Variants in GREB1L observed in about 807,000 individuals in gnomAD.
The protein encoded by GREB1L is GREB1 like retinoic acid receptor coactivator, also known as GREB1-like protein.
In GREB1L, 17 loss-of-function variants were observed where a neutral mutation model predicts 200.8. That is an observed-to-expected ratio of 0.08 (90% CI 0.06 to 0.13). The LOEUF is 0.13. GREB1L is among the 10% of genes least tolerant of loss of function. GREB1L has a pLI of 1.00. For missense variants in GREB1L, 1,657 were observed against 2,367.7 expected (o/e 0.70, Z 6.23); for synonymous variants, 789 against 893.0 (o/e 0.88, Z 2.08).
chr18:21,504,866 C>A (rs1568068344), intron 23 of GREB1L, among the ~76,000 whole-genome samples: 1 of 152,172 alleles, frequency 6.6e-6, no homozygotes, highest in South Asian at 2.1e-4. Context: ...CCCAGGTCTA[C>A]TGGCTCTCAA....
At chr18:21,464,055 A>G (rs1047735127) in intron 15 of GREB1L, among the ~76,000 whole-genome samples, 1 of 152,202 alleles carries the variant, frequency 6.6e-6, no homozygotes, top group Non-Finnish European at 1.5e-5. Flanking sequence ...CCATGAGTCC[A>G]GAACAATACT....
chr18:21,431,361 T>A (rs571547961), intron 7 of GREB1L, among the ~76,000 whole-genome samples: 1 of 152,224 alleles, frequency 6.6e-6, no homozygotes, highest in Non-Finnish European at 1.5e-5. Context: ...TACAATTTCC[T>A]TTGTGATGTC....
rs146659798 is a variant in GREB1L, at chr18:21,244,634, C to T, written c.-120+2241C>T. On this transcript the variant is annotated intron_variant, in intron 1 of 32. Transcript: ENST00000424526. Reference sequence around the variant, plus strand: ...GGACTGTGGATGTTAGACAGTGGGGCGACAAAAAACATTCCTGAATGGTGG... The same window carrying T: ...GGACTGTGGATGTTAGACAGTGGGGTGACAAAAAACATTCCTGAATGGTGG... Among the ~76,000 whole-genome samples, 1,129 of 152,076 alleles carry T rather than the reference C, an allele frequency of 7.4e-3. 13 individuals are homozygous for T. The highest frequency in any genetic ancestry group is 0.025 in the African/African-American group (1,020 of 41,486).
chr18:21,518,130 G>C lies in GREB1L; in HGVS notation c.5368G>C (p.Glu1790Gln), dbSNP rs2037487134. Residue 1790 changes from glutamate to glutamine, a missense_variant, in exon 31 of 33, where the codon GAG becomes CAG. Coordinates refer to ENST00000424526, the MANE Select transcript of GREB1L (RefSeq NM_001142966.3). ...GGCAGCCCCTGCACAGTTTCTCCTG[G>C]AGAAATTCCTTCAGCACGCCTCATA... ...LLAAPAQFLL[E>Q]KFLQHASYKL... 1 of 1,551,440 alleles carries C rather than the reference G, an allele frequency of 6.4e-7. No homozygotes were observed. Among genetic ancestry groups the C allele is most frequent in the Non-Finnish European group, 8.7e-7 (1 of 1,146,984 alleles).
chr18:21,435,685 C>T (rs76229894), intron 7 of GREB1L, among the ~76,000 whole-genome samples: 2,950 of 152,140 alleles, frequency 0.019, 47 homozygotes, highest in Non-Finnish European at 0.031. Context: ...GAACTTCCAG[C>T]GATTTGGACT....
chr18:21,499,826 G>T lies in GREB1L; in HGVS notation c.3489G>T (p.Leu1163Phe). 1 of 1,551,804 alleles carries T rather than the reference G, an allele frequency of 6.4e-7. No homozygotes were observed. ...GCTTTCAGAGCCCAGCCACCAGCTT[G>T]GGGCTGGATGAAGGGGTCTCCGCCA... ...TPSFQSPATS[L>F]GLDEGVSASS... The change falls in exon 22 of 33, where the codon TTG (leucine) becomes TTT (phenylalanine). Residue 1163 changes from leucine to phenylalanine, a missense_variant. This residue lies in a region of GREB1L where 512 missense variants were observed against 668.3 expected (regional missense o/e 0.77). Coordinates refer to ENST00000424526, the MANE Select transcript of GREB1L (RefSeq NM_001142966.3).
intron 15 of GREB1L, among the ~76,000 whole-genome samples, chr18:21,466,287 G>T (rs371866243): frequency 6.6e-6 from 1 of 152,260 alleles, no homozygotes; most frequent in South Asian, 2.1e-4. Flanking sequence ...GAATAGAATT[G>T]TTGGAGCACA....
chr18:21,367,401 A>T (rs1251740928), intron 2 of GREB1L, among the ~76,000 whole-genome samples: 3 of 152,214 alleles, frequency 2.0e-5, no homozygotes, highest in African/African-American at 7.2e-5. Flanking sequence ...TCTCTCAGGA[A>T]GAATTTTGCA....
chr18:21,470,102 TAGTG>T (rs2035421435), intron 15 of GREB1L, among the ~76,000 whole-genome samples: 1 of 151,552 alleles, frequency 6.6e-6, no homozygotes, highest in Non-Finnish European at 1.5e-5. Context: ...GTGGGCAACA[TAGTG>T]AGACCCCCAT....
chr18:21,493,314 T>G (rs1174501503), intron 19 of GREB1L, among the ~76,000 whole-genome samples: 1 of 152,230 alleles, frequency 6.6e-6, no homozygotes, highest in Non-Finnish European at 1.5e-5. Flanking sequence ...TTAAGTCAGT[T>G]CCTCCAGAAG....
chr18:21,510,523 T>C (rs919685519), intron 27 of GREB1L, among the ~76,000 whole-genome samples: 12 of 152,224 alleles, frequency 7.9e-5, no homozygotes, highest in Non-Finnish European at 1.5e-4. Flanking sequence ...TAGAATTCCT[T>C]TCCTTCTTAA....
chr18:21,249,963 G>A (rs1432009310), intron 1 of GREB1L, among the ~76,000 whole-genome samples: 2 of 152,172 alleles, frequency 1.3e-5, no homozygotes, highest in African/African-American at 2.4e-5. Context: ...AGTGAGAAGT[G>A]CCAGAGAGAA....
intron 1 of GREB1L, among the ~76,000 whole-genome samples, chr18:21,289,891 GT>G (rs1372249504): frequency 6.6e-6 from 1 of 152,136 alleles, no homozygotes; most frequent in Non-Finnish European, 1.5e-5. Context: ...GACATGGAGG[GT>G]TTTTTGTTGA....
rs191227590 is a variant in GREB1L, at chr18:21,372,152, T to C, written c.-10+6016T>C. On this transcript the variant is annotated intron_variant, in intron 2 of 32. Coordinates refer to ENST00000424526, the MANE Select transcript of GREB1L (RefSeq NM_001142966.3). Reference sequence around the variant, plus strand: ...CGAAGTTATACAAATTTGTCTCTCTTTTTTTTTTTTTTTTGAGACAGAGTC... The same window carrying C: ...CGAAGTTATACAAATTTGTCTCTCTCTTTTTTTTTTTTTTGAGACAGAGTC... Among the ~76,000 whole-genome samples, 1,406 of 142,630 alleles carry C rather than the reference T, an allele frequency of 9.9e-3. 17 individuals are homozygous for C. Among genetic ancestry groups the C allele is most frequent in the African/African-American group, 0.034 (1,272 of 36,872 alleles). The allele number at this position is 142,630 out of a possible 152,430, so 93.6% of individuals were successfully genotyped here. A position where few individuals can be genotyped will look rare whatever the true frequency, so the allele number is the denominator to read the frequency against.
At chr18:21,246,827 T>G (rs1475261654) in intron 1 of GREB1L, among the ~76,000 whole-genome samples, 1 of 152,188 alleles carries the variant, frequency 6.6e-6, no homozygotes, top group Non-Finnish European at 1.5e-5. Flanking sequence ...TGGTTAGTAT[T>G]GTGATCACAG....
intron 2 of GREB1L, among the ~76,000 whole-genome samples, chr18:21,378,700 G>T (rs1467362106): frequency 6.6e-6 from 1 of 152,032 alleles, no homozygotes; most frequent in Non-Finnish European, 1.5e-5. Flanking sequence ...TAAATGCCCT[G>T]TTATGTTTTT....
Position 21,473,074 on chromosome 18 carries a change from T to C in GREB1L, c.2226T>C (p.His742=), listed in dbSNP as rs771657295. ...GTCTGGAGGAAAATGGGACAGCCCA[T>C]CAGAGAGCAGAAAAATATGTTGTTC... is the stretch of plus-strand genomic sequence containing the variant. ...DLGLEENGTA[H]QRAEKYVVRL... The change falls in exon 16 of 33, where the codon CAT becomes CAC. Residue 742 remains histidine (H), a synonymous_variant. Transcript: ENST00000424526. 6.5e-7 allele frequency: 1 copy of C among 1,549,988 alleles called. No individual in the cohort carries two copies. The highest frequency in any genetic ancestry group is 1.2e-5 in the South Asian group (1 of 83,662).
At chr18:21,433,063 A>G (rs2033285503) in intron 7 of GREB1L, among the ~76,000 whole-genome samples, 1 of 152,138 alleles carries the variant, frequency 6.6e-6, no homozygotes, top group Non-Finnish European at 1.5e-5. Flanking sequence ...ACCATGACCT[A>G]TCACCCAGTT....
chr18:21,385,526 C>T (rs1188614737), intron 4 of GREB1L, among the ~76,000 whole-genome samples: 4 of 152,180 alleles, frequency 2.6e-5, no homozygotes, highest in African/African-American at 7.2e-5. Context: ...TTGATTCGGC[C>T]CTGCCTGTAG....
Sources: gnomAD v4.1 joint callset for allele counts (sites outside exome capture counted in the v4.1 genomes callset) on GRCh38, gnomAD v4.1.1 for gene constraint, gnomAD v4.1.1 regional missense constraint, MANE v1.5 for transcripts, NCBI Gene and HGNC (gene_info 2026-07-23, HGNC 2026-07-21) for gene names.